GAREM1: variants seen among roughly 807,000 people sequenced by gnomAD.
The protein encoded by GAREM1 is GRB2-associated and regulator of MAPK protein 1.
A neutral mutation model predicts 71.3 loss-of-function variants in GAREM1; 26 were observed. The observed-to-expected ratio is 0.36, with a 90% confidence interval of 0.27 to 0.51. GAREM1 has a LOEUF of 0.51. GAREM1 is among the 20% of genes least tolerant of loss of function. The pLI is 0.95. For missense variants in GAREM1, 1,026 were observed against 1,103.1 expected (o/e 0.93, Z 0.99); for synonymous variants, 440 against 433.2 (o/e 1.02, Z -0.20).
chr18:32,359,746 G>A (rs907540671), intron 2 of GAREM1, among the ~76,000 whole-genome samples: 1 of 152,098 alleles, frequency 6.6e-6, no homozygotes, highest in Non-Finnish European at 1.5e-5. Flanking sequence ...CTTAGCAAGA[G>A]TTTGTCTCTA....
intron 1 of GAREM1, among the ~76,000 whole-genome samples, chr18:32,436,086 T>C (rs561885888): frequency 2.6e-5 from 4 of 152,302 alleles, no homozygotes; most frequent in East Asian, 1.9e-4. Flanking sequence ...TAATAAAATA[T>C]ATCAAAGGGG....
intron 1 of GAREM1, among the ~76,000 whole-genome samples, chr18:32,437,658 C>T (rs2048692426): frequency 1.3e-5 from 2 of 152,006 alleles, no homozygotes; most frequent in African/African-American, 4.8e-5. Flanking sequence ...AAGGTGGTTC[C>T]ACCTCTGAAT....
intron 1 of GAREM1, among the ~76,000 whole-genome samples, chr18:32,418,304 T>C (rs1247893094): frequency 1.3e-5 from 2 of 152,146 alleles, no homozygotes; most frequent in African/African-American, 4.8e-5. Context: ...GAGTCTCAGA[T>C]GTCCATGGTG....
At chr18:32,358,003 A>T (rs1189165044) in intron 2 of GAREM1, among the ~76,000 whole-genome samples, 1 of 152,084 alleles carries the variant, frequency 6.6e-6, no homozygotes, top group Non-Finnish European at 1.5e-5. Context: ...ACTGCCTTTA[A>T]AATTACTTTA....
Position 32,265,865 on chromosome 18 carries a change from T to C in GAREM1, c.*2006A>G, listed in dbSNP as rs2041366190. ...TTGCCAATGAAAACTTGCAGCTTAGTAACTGCATCTTGTCTGTTTTTATTT... is the reference window on the plus strand; with the variant it reads ...TTGCCAATGAAAACTTGCAGCTTAGCAACTGCATCTTGTCTGTTTTTATTT... On this transcript the variant is annotated 3_prime_UTR_variant, in exon 6 of 6. Transcript: ENST00000269209. 1 of 152,210 alleles carries C rather than the reference T, an allele frequency of 6.6e-6. No individual in the cohort carries two copies. Among genetic ancestry groups the C allele is most frequent in the Non-Finnish European group, 1.5e-5 (1 of 68,036 alleles). 9.4% of individuals were successfully genotyped at this position (152,210 alleles called of 1,614,324 possible).
At chr18:32,360,283 T>C (rs961853579) in intron 2 of GAREM1, among the ~76,000 whole-genome samples, 1 of 152,152 alleles carries the variant, frequency 6.6e-6, no homozygotes, top group Non-Finnish European at 1.5e-5. Flanking sequence ...ATTAAGGAAC[T>C]TTTTTTCTGG....
intron 1 of GAREM1, among the ~76,000 whole-genome samples, chr18:32,447,391 T>C (rs2048795153): frequency 6.6e-6 from 1 of 152,150 alleles, no homozygotes; most frequent in Non-Finnish European, 1.5e-5. Flanking sequence ...TAAAAGCTTA[T>C]TAACAAAACC....
intron 2 of GAREM1, among the ~76,000 whole-genome samples, chr18:32,391,160 C>T (rs2048192928): frequency 6.6e-6 from 1 of 152,154 alleles, no homozygotes; most frequent in African/African-American, 2.4e-5. Context: ...GCTGAACCCT[C>T]CTGATGAAAT....
rs187824066 is a variant in GAREM1, at chr18:32,286,906, C to A, written c.1566+125G>T. Reference sequence around the variant, plus strand: ...ATCAAGCTAGCATGTGTATCTCACTCCAAACTAAACAAATTTGCTCACTCT... The same window carrying A: ...ATCAAGCTAGCATGTGTATCTCACTACAAACTAAACAAATTTGCTCACTCT... On this transcript the variant is annotated intron_variant, in intron 4 of 5. Coordinates refer to ENST00000269209, the MANE Select transcript of GAREM1 (RefSeq NM_001242409.2). The A allele has an allele frequency of 2.2e-4, 158 of 707,256 alleles. No individual in the cohort carries two copies. In the African/African-American group the frequency reaches 2.2e-3, roughly 10 times the overall value. 43.8% of individuals were successfully genotyped at this position (707,256 alleles called of 1,614,324 possible).
At chr18:32,288,870 T>C (rs1372756776) in intron 3 of GAREM1, among the ~76,000 whole-genome samples, 3 of 152,200 alleles carry the variant, frequency 2.0e-5, no homozygotes, top group South Asian at 2.1e-4. Context: ...CCTTCATCAA[T>C]AGTAATACTA....
intron 2 of GAREM1, among the ~76,000 whole-genome samples, chr18:32,392,459 T>A (rs1314976816): frequency 6.6e-6 from 1 of 152,196 alleles, no homozygotes; most frequent in Non-Finnish European, 1.5e-5. Flanking sequence ...TATCCAGGTA[T>A]ATGAACTACC....
chr18:32,275,395 G>A (rs972514660), intron 4 of GAREM1, among the ~76,000 whole-genome samples: 33 of 152,160 alleles, frequency 2.2e-4, no homozygotes, highest in African/African-American at 7.0e-4. Context: ...CAACCCTCAC[G>A]CTCAGTGAAG....
intron 1 of GAREM1, chr18:32,413,246 A>G (rs1215629283): frequency 1.9e-6 from 3 of 1,575,212 alleles, no homozygotes; most frequent in Non-Finnish European, 2.6e-6. Flanking sequence ...GGCCAGAAAA[A>G]TATTTCAACT....
intron 1 of GAREM1, among the ~76,000 whole-genome samples, chr18:32,411,110 T>G (rs576656341): frequency 6.6e-6 from 1 of 152,338 alleles, no homozygotes; most frequent in Admixed American, 6.5e-5. Flanking sequence ...GTGACTTCGG[T>G]TTTATTTTCT....
At chr18:32,407,131 C>T (rs557370862) in intron 1 of GAREM1, among the ~76,000 whole-genome samples, 12 of 152,302 alleles carry the variant, frequency 7.9e-5, no homozygotes, top group South Asian at 6.2e-4. Context: ...TTCAACAATC[C>T]GCCCATTACT....
intron 1 of GAREM1, among the ~76,000 whole-genome samples, chr18:32,455,343 G>A (rs1316270119): frequency 6.6e-6 from 1 of 152,130 alleles, no homozygotes; most frequent in Non-Finnish European, 1.5e-5. Context: ...GTGGACAGAT[G>A]TAGGTCATTA....
chr18:32,447,314 C>T (rs929532011), intron 1 of GAREM1, among the ~76,000 whole-genome samples: 2 of 152,108 alleles, frequency 1.3e-5, no homozygotes, highest in African/African-American at 4.8e-5. Context: ...AAGAAACTGG[C>T]TAACTTATTT....
intron 1 of GAREM1, chr18:32,413,367 A>C (rs2048438759): frequency 1.5e-6 from 1 of 647,580 alleles, no homozygotes; most frequent in South Asian, 2.0e-5. Flanking sequence ...GACTCATACA[A>C]ATGTCAATGC....
At chr18:32,309,856 T>C (rs894229114) in intron 3 of GAREM1, among the ~76,000 whole-genome samples, 1 of 152,142 alleles carries the variant, frequency 6.6e-6, no homozygotes, top group African/African-American at 2.4e-5. Flanking sequence ...TTTCATCATA[T>C]CCCTTTTGCT....
Sources: gnomAD v4.1 joint callset for allele counts (sites outside exome capture counted in the v4.1 genomes callset) on GRCh38, gnomAD v4.1.1 for gene constraint, MANE v1.5 for transcripts, NCBI Gene and HGNC (gene_info 2026-07-23, HGNC 2026-07-21) for gene names.